Variants in FAM171A1 observed in about 807,000 individuals in gnomAD.
FAM171A1 encodes protein FAM171A1.
A neutral mutation model predicts 74.9 loss-of-function variants in FAM171A1; 23 were observed. The ratio of observed to expected loss-of-function variants is 0.31; its 90% CI spans 0.22 to 0.44. FAM171A1 has a LOEUF of 0.44. FAM171A1 is among the 20% of genes least tolerant of loss of function. The pLI, the probability that FAM171A1 is intolerant of heterozygous loss-of-function variation, is 1.00. For missense variants in FAM171A1, 1,162 were observed against 1,159.2 expected, an observed-to-expected ratio of 1.00 and a Z score of -0.03; for synonymous variants, 527 against 505.7, an observed-to-expected ratio of 1.04 and a Z score of -0.57.
chr10:15,265,610 T>C (rs1051665257), intron 3 of FAM171A1, among the ~76,000 whole-genome samples: 23 of 126,584 alleles, frequency 1.8e-4, no homozygotes, highest in Non-Finnish European at 3.4e-4. Flanking sequence ...AAAAAGACCA[T>C]GGAGTAAGTA....
chr10:15,354,661 C>A (rs991327537), intron 1 of FAM171A1, among the ~76,000 whole-genome samples: 40 of 152,338 alleles, frequency 2.6e-4, no homozygotes, highest in African/African-American at 8.7e-4. Flanking sequence ...ACAGGCTGGG[C>A]TGCAGCTCCC....
At chr10:15,337,006 C>T (rs1378437174) in intron 1 of FAM171A1, among the ~76,000 whole-genome samples, 2 of 151,904 alleles carry the variant, frequency 1.3e-5, no homozygotes, top group Non-Finnish European at 2.9e-5. Context: ...GTGATCCTCC[C>T]ACCTCAGCCT....
At chr10:15,361,313 C>T (rs1835991483) in intron 1 of FAM171A1, among the ~76,000 whole-genome samples, 1 of 152,170 alleles carries the variant, frequency 6.6e-6, no homozygotes, top group African/African-American at 2.4e-5. Flanking sequence ...CACAACCACA[C>T]TCAAATAATG....
intron 1 of FAM171A1, among the ~76,000 whole-genome samples, chr10:15,362,330 C>T (rs9703872): frequency 6.6e-6 from 1 of 152,220 alleles, no homozygotes; most frequent in African/African-American, 2.4e-5. Flanking sequence ...TTTTAGGAAT[C>T]CTGAGTGATG....
At chr10:15,286,816 A>C (rs1329628093) in intron 1 of FAM171A1, among the ~76,000 whole-genome samples, 1 of 152,200 alleles carries the variant, frequency 6.6e-6, no homozygotes, top group Non-Finnish European at 1.5e-5. Flanking sequence ...ACAAGAGCTA[A>C]AGAATCCTAG....
chr10:15,318,832 C>T (rs1289039817), intron 1 of FAM171A1, among the ~76,000 whole-genome samples: 1 of 152,150 alleles, frequency 6.6e-6, no homozygotes, highest in Non-Finnish European at 1.5e-5. Flanking sequence ...GTGCCTCTCT[C>T]ACTACAGCAG....
intron 2 of FAM171A1, among the ~76,000 whole-genome samples, chr10:15,279,111 T>TG (rs926787600): frequency 1.3e-5 from 2 of 152,112 alleles, no homozygotes; most frequent in Admixed American, 6.5e-5. Context: ...CTGACCGGTT[T>TG]GGGGGGCTCG....
At chr10:15,320,517 G>A (rs1835474506) in intron 1 of FAM171A1, among the ~76,000 whole-genome samples, 3 of 152,184 alleles carry the variant, frequency 2.0e-5, no homozygotes, top group African/African-American at 4.8e-5. Context: ...TGGCAGTTCT[G>A]TTTTAAGTTC....
intron 4 of FAM171A1, among the ~76,000 whole-genome samples, chr10:15,252,701 T>G (rs1834525233): frequency 6.6e-6 from 1 of 152,182 alleles, no homozygotes; most frequent in South Asian, 2.1e-4. Flanking sequence ...CTAGGTCAAG[T>G]CATCCATTCT....
At chr10:15,365,052 C>G (rs1836042277) in intron 1 of FAM171A1, among the ~76,000 whole-genome samples, 1 of 152,160 alleles carries the variant, frequency 6.6e-6, no homozygotes, top group South Asian at 2.1e-4. Context: ...GGCCATTATT[C>G]TACTACCACA....
chr10:15,239,926 C>T (rs1834342726), intron 5 of FAM171A1, among the ~76,000 whole-genome samples: 1 of 152,220 alleles, frequency 6.6e-6, no homozygotes, highest in Admixed American at 6.5e-5. Flanking sequence ...ATCCAAAATG[C>T]TCCAGTGAGC....
In FAM171A1 at chr10:15,213,234, T is replaced by C. The variant is rs1311915242; in HGVS notation, c.2354A>G (p.Tyr785Cys). ...KEPRAPDSTA[Y>C]TQLVYLDDVE... is the part of the protein sequence containing the mutation. ...GTCATCCAGGTACACGAGCTGCGTG[T>C]AGGCCGTGCTGTCTGGGGCTCGAGG... The change falls in exon 8 of 8, where the codon TAC becomes TGC. Residue 785 changes from tyrosine (Y) to cysteine (C), a missense_variant. Coordinates refer to ENST00000378116, the MANE Select transcript of FAM171A1 (RefSeq NM_001010924.2). This position sits in a 1 kb window ranked among gnomAD's most constrained non-coding sequence, Gnocchi z 6.8. The C allele has an allele frequency of 1.2e-6, 2 of 1,614,004 alleles. No individual in the cohort carries two copies. The highest frequency in any genetic ancestry group is 2.2e-5 in the South Asian group (2 of 91,082).
At chr10:15,243,844 TTA>T (rs1233782932) in intron 5 of FAM171A1, among the ~76,000 whole-genome samples, 26 of 152,012 alleles carry the variant, frequency 1.7e-4, no homozygotes, top group South Asian at 1.0e-3. Context: ...CCTCCCGGGT[TTA>T]CTTACGCCAT....
chr10:15,253,460 T>G (rs1486132826), intron 4 of FAM171A1, among the ~76,000 whole-genome samples: 1 of 152,176 alleles, frequency 6.6e-6, no homozygotes, highest in Non-Finnish European at 1.5e-5. Context: ...TACTGACAAG[T>G]TAATCACATC....
chr10:15,334,793 T>C (rs756296056), intron 1 of FAM171A1, among the ~76,000 whole-genome samples: 7 of 152,234 alleles, frequency 4.6e-5, no homozygotes, highest in Non-Finnish European at 8.8e-5. Flanking sequence ...TGGTTTGGAA[T>C]GTACTGCCTG....
upstream of FAM171A1, among the ~76,000 whole-genome samples, chr10:15,374,195 T>G (rs1373419026): frequency 6.6e-6 from 1 of 152,214 alleles, no homozygotes; most frequent in Non-Finnish European, 1.5e-5. Context: ...ATAGCAACAC[T>G]GAGTCTTGTC....
intron 1 of FAM171A1, among the ~76,000 whole-genome samples, chr10:15,322,144 A>G (rs1228178103): frequency 2.0e-5 from 3 of 152,218 alleles, no homozygotes; most frequent in Non-Finnish European, 4.4e-5. Context: ...AGAGATTAGA[A>G]GGCTGCAGAA....
intron 2 of FAM171A1, among the ~76,000 whole-genome samples, chr10:15,277,791 T>C (rs1483882023): frequency 1.3e-5 from 2 of 152,010 alleles, no homozygotes; most frequent in Admixed American, 1.3e-4. Context: ...AGTTTCGCTC[T>C]TGCTACCCAG....
chr10:15,235,121 C>T (rs1834267633), intron 5 of FAM171A1, among the ~76,000 whole-genome samples: 1 of 152,088 alleles, frequency 6.6e-6, no homozygotes, highest in Non-Finnish European at 1.5e-5. Flanking sequence ...ATCGGCCTGG[C>T]CAATATGGCC....
Sources: gnomAD v4.1 joint callset for allele counts (sites outside exome capture counted in the v4.1 genomes callset) on GRCh38, gnomAD v4.1.1 for gene constraint, Gnocchi (gnomAD v3.1) non-coding constraint, MANE v1.5 for transcripts, NCBI Gene and HGNC (gene_info 2026-07-23, HGNC 2026-07-21) for gene names.